Variants in ADAM9 observed in about 807,000 individuals in gnomAD.
The protein encoded by ADAM9 is ADAM metallopeptidase domain 9, also known as disintegrin and metalloproteinase domain-containing protein 9.
ADAM9 carries 54 observed loss-of-function variants against 108.1 expected under a neutral mutation model. That is an observed-to-expected ratio of 0.50 (90% CI 0.40 to 0.63). The LOEUF is 0.63. ADAM9 is among the 20% of genes least tolerant of loss of function. The pLI is 0.00. For missense variants in ADAM9, 830 were observed against 997.7 expected (o/e 0.83, Z 2.26); for synonymous variants, 316 against 336.0 (o/e 0.94, Z 0.65).
In ADAM9 at chr8:39,026,279, G is replaced by A. The variant is rs982682442; in HGVS notation, c.996+395G>A. Among the ~76,000 whole-genome samples the A allele has an allele frequency of 5.3e-5, 8 of 152,166 alleles. No homozygotes were observed. The South Asian group carries it at 1.2e-3, about 24-fold the overall frequency. On this transcript the variant is annotated intron_variant, in intron 10 of 21. Coordinates refer to ENST00000487273, the MANE Select transcript of ADAM9 (RefSeq NM_003816.3). ...TGCTCCCCACCTCCCGACAGGCCCC[G>A]GTGTGTGATGTTCCCCTCCCTGTGT...
intron 12 of ADAM9, among the ~76,000 whole-genome samples, chr8:39,045,397 C>CATATAGGTGTGTGTACAT (rs1564301442): frequency 2.8e-5 from 4 of 143,156 alleles, no homozygotes; most frequent in African/African-American, 8.0e-5. Flanking sequence ...TGTGTGTACA[C>CATATAGGTGTGTGTACAT]ACACCTATAT....
Position 39,045,570 on chromosome 8 carries a change from G to GTA in ADAM9, c.1302+3470_1302+3471dup, listed in dbSNP as rs146208883. The stretch of plus-strand genomic sequence containing the variant: ...TGTGTGTGTGTATATGTGTGTGTGT[G>GTA]TATATATATATATATATAAAAGATT... On this transcript the variant is annotated intron_variant, in intron 12 of 21. Transcript: ENST00000487273. Among the ~76,000 whole-genome samples the GTA allele has an allele frequency of 4.4e-3, 416 of 95,198 alleles. 7 individuals carry two copies. Among genetic ancestry groups the GTA allele is most frequent in the South Asian group, 0.018 (53 of 2,994 alleles). 62.5% of individuals were successfully genotyped at this position (95,198 alleles called of 152,430 possible).
At chr8:39,019,076 A>C (rs910798366) in intron 7 of ADAM9, among the ~76,000 whole-genome samples, 158 bp downstream of exon 7, 1 of 152,244 alleles carries the variant, frequency 6.6e-6, no homozygotes, top group African/African-American at 2.4e-5. Flanking sequence ...TTATACCACC[A>C]GAATACCAAC....
At position 39,077,971 on chromosome 8, in the gene ADAM9, T is replaced by TG. The variant is rs373888029; in HGVS notation, c.1881+564dup. Among the ~76,000 whole-genome samples the TG allele has an allele frequency of 4.2e-4, 64 of 152,172 alleles. 1 individual carries two copies. Among genetic ancestry groups the TG allele is most frequent in the African/African-American group, 1.4e-3 (60 of 41,512 alleles). ...TTGGGAGATGCTGTGAAGTAGGAGC[T>TG]GGGGTAGAAGGGATGTGGCAGCCTT... On this transcript the variant is annotated intron_variant, in intron 16 of 21. Transcript: ENST00000487273.
chr8:39,007,397 A>G lies in ADAM9; in HGVS notation c.98-489A>G, dbSNP rs575932881. Among the ~76,000 whole-genome samples the G allele has an allele frequency of 7.9e-5, 12 of 152,346 alleles. No homozygotes were observed. In the South Asian group the frequency reaches 1.7e-3, roughly 21 times the overall value. ...TTCAGCGTGAGATTTGGAGAAGTCA[A>G]ACATACAAACTGTAGCAGTAAGTAT... On this transcript the variant is annotated intron_variant, in intron 1 of 21. Transcript: ENST00000487273.
chr8:39,083,293 A>G lies in ADAM9; in HGVS notation c.2068+220A>G, dbSNP rs78550002. Among the ~76,000 whole-genome samples, 35 of 152,092 alleles carry G rather than the reference A, an allele frequency of 2.3e-4. No homozygotes were observed. The East Asian group carries it at 6.8e-3, about 29-fold the overall frequency. On this transcript the variant is annotated intron_variant, in intron 18 of 21. Coordinates refer to ENST00000487273, the MANE Select transcript of ADAM9 (RefSeq NM_003816.3). ...TCATAGCCTCTTATGTAGGCTCCCTATTTTTCATCTTGCTTCCTATAATCC... is the reference window on the plus strand; with the variant it reads ...TCATAGCCTCTTATGTAGGCTCCCTGTTTTTCATCTTGCTTCCTATAATCC...
intron 14 of ADAM9, among the ~76,000 whole-genome samples, chr8:39,069,738 C>CT (rs1459452571): frequency 6.6e-6 from 1 of 152,054 alleles, no homozygotes; most frequent in Non-Finnish European, 1.5e-5. Context: ...CATTGGTTTA[C>CT]TTCTTAAATG....
intron 7 of ADAM9, among the ~76,000 whole-genome samples, chr8:39,020,130 A>G (rs1836686744): frequency 6.6e-6 from 1 of 152,118 alleles, no homozygotes; most frequent in Non-Finnish European, 1.5e-5. Flanking sequence ...CTAAAAATAC[A>G]AAAAATTAGC....
chr8:39,079,441 T>C (rs1182081155), intron 16 of ADAM9, among the ~76,000 whole-genome samples: 3 of 152,074 alleles, frequency 2.0e-5, no homozygotes, highest in African/African-American at 7.2e-5. Context: ...GATCCATGTA[T>C]TTTTTTCTGA....
At chr8:39,063,436 T>G (rs1838357623) in intron 14 of ADAM9, among the ~76,000 whole-genome samples, 2 of 152,134 alleles carry the variant, frequency 1.3e-5, no homozygotes, top group African/African-American at 2.4e-5. Context: ...AGACGACTCA[T>G]CAGAATTTAG....
At chr8:39,079,068 A>G (rs990357085) in intron 16 of ADAM9, among the ~76,000 whole-genome samples, 2 of 152,210 alleles carry the variant, frequency 1.3e-5, no homozygotes, top group African/African-American at 4.8e-5. Flanking sequence ...GATCATTTTT[A>G]TTAGGAAGAA....
intron 12 of ADAM9, among the ~76,000 whole-genome samples, chr8:39,044,924 A>T (rs1023405081): frequency 1.4e-5 from 2 of 140,858 alleles, no homozygotes; most frequent in Non-Finnish European, 1.5e-5. Flanking sequence ...GTATGTATAT[A>T]TGTGTGTGCA....
chr8:39,085,597 CA>C (rs57406530), intron 18 of ADAM9, among the ~76,000 whole-genome samples: 12,906 of 152,032 alleles, frequency 0.085, 836 homozygotes, highest in African/African-American at 0.19. Flanking sequence ...TTTAACTGGG[CA>C]AGGATTTTGG....
At chr8:39,054,762 T>C (rs560398760) in intron 13 of ADAM9, among the ~76,000 whole-genome samples, 189 bp downstream of exon 13, 6 of 152,280 alleles carry the variant, frequency 3.9e-5, no homozygotes, top group Non-Finnish European at 5.9e-5. Flanking sequence ...TCTGTTGATA[T>C]TGTTTTCTAA....
chr8:39,013,688 G>A (rs1303767273), intron 3 of ADAM9, among the ~76,000 whole-genome samples: 1 of 151,774 alleles, frequency 6.6e-6, no homozygotes, highest in Non-Finnish European at 1.5e-5. Context: ...TTTTTGTAGT[G>A]ACAGGGTCTC....
intron 7 of ADAM9, among the ~76,000 whole-genome samples, chr8:39,019,872 C>T (rs1836676633): frequency 1.3e-5 from 2 of 152,150 alleles, no homozygotes; most frequent in African/African-American, 4.8e-5. Flanking sequence ...GGTTCATTGC[C>T]CTCAAGTGGC....
At chr8:39,049,441 GTTTT>G (rs559508620) in intron 12 of ADAM9, among the ~76,000 whole-genome samples, 1 of 134,830 alleles carries the variant, frequency 7.4e-6, no homozygotes. Context: ...ATTTTTTATA[GTTTT>G]TTTTTTTTTT....
intron 1 of ADAM9, among the ~76,000 whole-genome samples, chr8:39,007,146 G>A (rs539056673): frequency 5.3e-5 from 8 of 152,320 alleles, no homozygotes; most frequent in East Asian, 3.9e-4. Flanking sequence ...AAGGGGAAGC[G>A]GAGCTGGCGG....
intron 16 of ADAM9, among the ~76,000 whole-genome samples, chr8:39,077,669 T>G (rs1350590095): frequency 6.6e-6 from 1 of 152,136 alleles, no homozygotes; most frequent in East Asian, 1.9e-4. Context: ...TATGCTACAA[T>G]TTATTAGCCA....
Sources: allele counts gnomAD v4.1 joint callset (sites outside exome capture counted in the v4.1 genomes callset), GRCh38; gene constraint gnomAD v4.1.1; transcripts MANE v1.5; gene names NCBI Gene and HGNC (gene_info 2026-07-23, HGNC 2026-07-21).